The following PDCL variants were observed in gnomAD, a reference collection of about 807,000 sequenced individuals.
The protein encoded by PDCL is phosducin-like protein.
A neutral mutation model predicts 26.7 loss-of-function variants in PDCL; 11 were observed. That is an observed-to-expected ratio of 0.41 (90% CI 0.26 to 0.68). PDCL has a LOEUF of 0.68. Among genes scored for constraint, PDCL ranks in the 30% least tolerant of loss-of-function variants. The pLI, the probability that PDCL is intolerant of heterozygous loss-of-function variation, is 0.30. For missense variants in PDCL, 330 were observed against 371.6 expected (o/e 0.89, Z 0.92); for synonymous variants, 118 against 134.9 (o/e 0.87, Z 0.87).
Position 122,819,750 on chromosome 9 carries a change from G to A in PDCL, c.*335C>T, listed in dbSNP as rs1459525043. On this transcript the variant is annotated 3_prime_UTR_variant, in exon 4 of 4. Transcript: ENST00000259467. ...CAGAATTATACTCTCAGACTTGGCA[G>A]AGACCTCTAAGATCATCTGAAGACA... 5.1e-6 allele frequency: 1 copy of A among 196,808 alleles called. No homozygotes were observed. Among genetic ancestry groups the A allele is most frequent in the African/African-American group, 2.3e-5 (1 of 42,932 alleles). 12.2% of individuals were successfully genotyped at this position (196,808 alleles called of 1,614,324 possible). A position where few individuals can be genotyped will look rare whatever the true frequency, so the allele number is the denominator to read the frequency against.
Position 122,823,202 on chromosome 9 carries a change from G to A in PDCL, c.173-5C>T, listed in dbSNP as rs755630292. On this transcript the variant is annotated splice_polypyrimidine_tract_variant and splice_region_variant and intron_variant, in intron 2 of 3. Transcript: ENST00000259467. The stretch of plus-strand genomic sequence containing the variant: ...CATTGATCACACCTTTTGGGCCTGA[G>A]TAGGGTGAACACGGATGTGACCAAG... The A allele has an allele frequency of 1.2e-5, 19 of 1,613,970 alleles. No individual in the cohort carries two copies. The highest frequency in any genetic ancestry group is 1.5e-5 in the Non-Finnish European group (18 of 1,179,978).
At position 122,819,896 on chromosome 9, in the gene PDCL, G is replaced by GT. The variant is rs1829530805; in HGVS notation, c.*188dup. Reference sequence around the variant, plus strand: ...AGCCTGGCTTCCTGTTTATACAACTGTAAGTCACCTTATTGCTAGCTACAA... The same window carrying GT: ...AGCCTGGCTTCCTGTTTATACAACTGTTAAGTCACCTTATTGCTAGCTACAA... On this transcript the variant is annotated 3_prime_UTR_variant, in exon 4 of 4. Coordinates refer to ENST00000259467, the MANE Select transcript of PDCL (RefSeq NM_005388.5). 2.0e-6 allele frequency: 1 copy of GT among 507,160 alleles called. No individual in the cohort carries two copies. Among genetic ancestry groups the GT allele is most frequent in the Non-Finnish European group, 3.4e-6 (1 of 292,150 alleles). 31.4% of individuals were successfully genotyped at this position (507,160 alleles called of 1,614,324 possible). A position where few individuals can be genotyped will look rare whatever the true frequency, so the allele number is the denominator to read the frequency against.
chr9:122,820,176 C>G lies in PDCL; in HGVS notation c.815G>C (p.Gly272Ala), dbSNP rs1309408765. The change falls in exon 4 of 4, where the codon GGA becomes GCA. Residue 272 changes from glycine (G) to alanine (A), a missense_variant. Transcript: ENST00000259467. ...VDLEAFLQEF[G>A]LLPEKEVLVL... ...CAAGACTTCCTTTTCTGGGAGTAAT[C>G]CAAATTCCTGGAGAAAAGCTTCAAG... 1 of 1,614,126 alleles carries G rather than the reference C, an allele frequency of 6.2e-7. No individual in the cohort carries two copies. Among genetic ancestry groups the G allele is most frequent in the African/African-American group, 1.3e-5 (1 of 75,030 alleles).
At chr9:122,823,347 C>G (rs1357581442) in intron 2 of PDCL, 150 bp from the exon 3 acceptor site, 2 of 747,080 alleles carry the variant, frequency 2.7e-6, no homozygotes, top group Non-Finnish European at 4.4e-6. Context: ...TGCCACAGGG[C>G]AGAGTGGCCT....
Position 122,823,101 on chromosome 9 carries a change from T to C in PDCL, c.269A>G (p.Lys90Arg). 1 of 1,614,198 alleles carries C rather than the reference T, an allele frequency of 6.2e-7. No individual in the cohort carries two copies. The highest frequency in any genetic ancestry group is 8.5e-7 in the Non-Finnish European group (1 of 1,180,022). The change falls in exon 3 of 4, where the codon AAG becomes AGG. Residue 90 changes from lysine (K) to arginine (R), a missense_variant. By Grantham distance (26) the Lys-to-Arg change is conservative. Coordinates refer to ENST00000259467, the MANE Select transcript of PDCL (RefSeq NM_005388.5). ...ATGGGACCTGCAAGTCATTGACAGCTTCTTGATCAGCCTTTCCATCTCCCG... is the reference window on the plus strand; with the variant it reads ...ATGGGACCTGCAAGTCATTGACAGCCTCTTGATCAGCCTTTCCATCTCCCG... The part of the protein sequence containing the change: ...QCREMERLIK[K>R]LSMTCRSHLD...
intron 2 of PDCL, among the ~76,000 whole-genome samples, chr9:122,824,149 G>C (rs933997520): frequency 2.6e-5 from 4 of 151,986 alleles, no homozygotes; most frequent in African/African-American, 9.7e-5. Flanking sequence ...CCCTTAACCC[G>C]TCAAGCCCTG....
chr9:122,826,875 T>C, intron 1 of PDCL, 83 bp from the exon 2 acceptor site: 1 of 1,277,010 alleles, frequency 7.8e-7, no homozygotes, highest in Non-Finnish European at 1.1e-6. Flanking sequence ...TCGCCTGTGC[T>C]GAGATCCTAC....
chr9:122,818,563 TTC>T lies in PDCL; in HGVS notation c.*1520_*1521del, dbSNP rs1418744362. On this transcript the variant is annotated 3_prime_UTR_variant, in exon 4 of 4. Transcript: ENST00000259467. ...TCCACCCTTTCTACTACAACGAGCTTTCTTAGTCAAAAAAAAAAAAAATGCAC... is the reference window on the plus strand; with the variant it reads ...TCCACCCTTTCTACTACAACGAGCTTTTAGTCAAAAAAAAAAAAAATGCAC... The T allele has an allele frequency of 6.6e-5, 10 of 151,626 alleles. No individual in the cohort carries two copies. Among genetic ancestry groups the T allele is most frequent in the African/African-American group, 2.2e-4 (9 of 41,280 alleles). 9.4% of individuals were successfully genotyped at this position (151,626 alleles called of 1,614,324 possible). A position where few individuals can be genotyped will look rare whatever the true frequency, so the allele number is the denominator to read the frequency against.
intron 3 of PDCL, among the ~76,000 whole-genome samples, chr9:122,821,669 A>T (rs1244044202): frequency 6.6e-6 from 1 of 152,160 alleles, no homozygotes; most frequent in Admixed American, 6.6e-5. Flanking sequence ...ATTGCAGATA[A>T]ATCAGCAGGA....
chr9:122,820,675 T>C, intron 3 of PDCL, 39 bp from the exon 4 acceptor site: 1 of 1,532,390 alleles, frequency 6.5e-7, no homozygotes, highest in Non-Finnish European at 8.8e-7. Context: ...ATATGAAAAC[T>C]GAACACTCGT....
intron 2 of PDCL, among the ~76,000 whole-genome samples, chr9:122,825,230 T>C (rs1017148071): frequency 6.6e-6 from 1 of 152,072 alleles, no homozygotes; most frequent in Non-Finnish European, 1.5e-5. Context: ...GGCATGATCT[T>C]GGCTCACTGC....
Position 122,820,372 on chromosome 9 carries a change from C to T in PDCL, c.619G>A (p.Ala207Thr), listed in dbSNP as rs375358955. The T allele has an allele frequency of 4.2e-5, 67 of 1,614,044 alleles. No individual in the cohort carries two copies. Among genetic ancestry groups the T allele is most frequent in the East Asian group, 3.3e-4 (15 of 44,900 alleles). The change falls in exon 4 of 4, where the codon GCA (alanine) becomes ACA (threonine). Residue 207 changes from alanine (A) to threonine (T), a missense_variant. Transcript: ENST00000259467. The part of the protein sequence containing the change: ...AMNGCMICLA[A>T]EYPAVKFCKV... ...CAGAACTTGACAGCTGGGTACTCTG[C>T]GGCAAGGCAGATCATGCAACCATTC...
Position 122,820,660 on chromosome 9 carries a change from CA to C in PDCL, c.355-25del, listed in dbSNP as rs772931832. The C allele has an allele frequency of 5.7e-6, 9 of 1,573,610 alleles. No homozygotes were observed. The African/African-American group carries it at 1.1e-4, about 19-fold the overall frequency. Reference sequence around the variant, plus strand: ...ATCTGCAGGCGGACCAGCAAGTGAGCATAAATATGAAAACTGAACACTCGTG... The same window carrying C: ...ATCTGCAGGCGGACCAGCAAGTGAGCTAAATATGAAAACTGAACACTCGTG... On this transcript the variant is annotated intron_variant, in intron 3 of 3. Transcript: ENST00000259467.
At position 122,820,526 on chromosome 9, in the gene PDCL, C is replaced by G; in HGVS notation, c.465G>C (p.Gly155=). ...TCTCAAAAACCTGCTTGAATTGGGG[C>G]CCCTTGTGAAGCTGCTGCCGCATCT... The part of the protein sequence containing the change: ...MEEMRQQLHK[G]PQFKQVFEIS... Residue 155 remains glycine, a synonymous_variant, in exon 4 of 4, where the codon GGG becomes GGC. Coordinates refer to ENST00000259467, the MANE Select transcript of PDCL (RefSeq NM_005388.5). 6.2e-7 allele frequency: 1 copy of G among 1,614,110 alleles called. No individual in the cohort carries two copies. The highest frequency in any genetic ancestry group is 1.1e-5 in the South Asian group (1 of 91,084).
chr9:122,824,266 G>A (rs1829593557), intron 2 of PDCL, among the ~76,000 whole-genome samples: 1 of 152,192 alleles, frequency 6.6e-6, no homozygotes, highest in South Asian at 2.1e-4. Context: ...GCTTGACTAT[G>A]CGACTTGCTG....
chr9:122,828,299 G>A (rs1446691002), intron 1 of PDCL, among the ~76,000 whole-genome samples, 172 bp downstream of exon 1: 4 of 152,116 alleles, frequency 2.6e-5, no homozygotes, highest in Non-Finnish European at 4.4e-5. Flanking sequence ...GGGGAAGGCT[G>A]GAAGGGCCCG....
rs1228628958 is a variant in PDCL at position 122,819,820 on chromosome 9, G to A, written c.*265C>T. ...TAGGATGCTTTGTAAATATTGACTG[G>A]AAACAATAACAGAGATGTCACACCA... On this transcript the variant is annotated 3_prime_UTR_variant, in exon 4 of 4. Coordinates refer to ENST00000259467, the MANE Select transcript of PDCL (RefSeq NM_005388.5). The A allele has an allele frequency of 3.2e-6, 1 of 308,988 alleles. No individual in the cohort carries two copies. The allele number at this position is 308,988 out of a possible 1,614,324, so 19.1% of individuals were successfully genotyped here. A position where few individuals can be genotyped will look rare whatever the true frequency, so the allele number is the denominator to read the frequency against.
At chr9:122,828,113 C>T (rs1167795712) in intron 1 of PDCL, among the ~76,000 whole-genome samples, 2 of 152,090 alleles carry the variant, frequency 1.3e-5, no homozygotes, top group African/African-American at 2.4e-5. Context: ...CAAAACCAAA[C>T]TTAAGGCCCA....
At position 122,819,409 on chromosome 9, in the gene PDCL, CAA is replaced by C. The variant is rs1225720560; in HGVS notation, c.*674_*675del. On this transcript the variant is annotated 3_prime_UTR_variant, in exon 4 of 4. Transcript: ENST00000259467. Reference sequence around the variant, plus strand: ...CATCTTACTGAAAGAACTTCCTTTACAAAGATTTCCAGCCCCACTCCAGCTCT... The same window carrying C: ...CATCTTACTGAAAGAACTTCCTTTACAGATTTCCAGCCCCACTCCAGCTCT... 6.6e-6 allele frequency: 1 copy of C among 152,084 alleles called. No homozygotes were observed. The highest frequency in any genetic ancestry group is 1.5e-5 in the Non-Finnish European group (1 of 68,014). 9.4% of individuals were successfully genotyped at this position (152,084 alleles called of 1,614,324 possible).
Sources: allele counts gnomAD v4.1 joint callset (sites outside exome capture counted in the v4.1 genomes callset), GRCh38; gene constraint gnomAD v4.1.1; transcripts MANE v1.5; gene names NCBI Gene and HGNC (gene_info 2026-07-23, HGNC 2026-07-21).